DPH6: variants seen among roughly 807,000 people sequenced by gnomAD.
DPH6 encodes diphthine--ammonia ligase.
Under a neutral mutation model 38.2 loss-of-function variants are expected in DPH6, and 33 were observed. The ratio of observed to expected loss-of-function variants is 0.86; its 90% confidence interval spans 0.65 to 1.15. The LOEUF (loss-of-function observed/expected upper bound fraction) is 1.15, where lower values mean the gene tolerates loss of function less well. Among genes scored for constraint, DPH6 ranks in the 50% most tolerant of loss-of-function variants. DPH6 has a pLI of 0.00. For missense variants in DPH6, 325 were observed against 320.0 expected, an observed-to-expected ratio of 1.02 and a Z score of -0.12; for synonymous variants, 108 against 103.0, an observed-to-expected ratio of 1.05 and a Z score of -0.30.
chr15:35,242,686 T>C (rs1343604720), intron 3 of DPH6, among the ~76,000 whole-genome samples: 1 of 142,900 alleles, frequency 7.0e-6, no homozygotes, highest in African/African-American at 2.5e-5. Context: ...GACAATACTT[T>C]TACCACTTTC....
intron 3 of DPH6, among the ~76,000 whole-genome samples, chr15:35,245,340 G>A (rs1022390584): frequency 4.9e-5 from 7 of 141,450 alleles, no homozygotes; most frequent in Non-Finnish European, 3.0e-5. Context: ...CCGGGTTCAC[G>A]CCATTCTCCT....
rs570582452 is a variant in DPH6 at position 35,362,967 on chromosome 15, T to G, written n.207+10554A>C. 2.0e-5 allele frequency among the ~76,000 whole-genome samples: 3 copies of G among 152,340 alleles called. No homozygotes were observed. The South Asian group carries it at 6.2e-4, about 32-fold the overall frequency. ...TATATTTCTTTCTAGCCATCTTTTT[T>G]ATTACTGATTTTTAGCATAATCTTA... On this transcript the variant is annotated intron_variant and non_coding_transcript_variant, in intron 3 of 3. Transcript: ENST00000558973.
At chr15:35,489,214 C>A in intron 3 of DPH6, 1 of 467,160 alleles carries the variant, frequency 2.1e-6, no homozygotes, top group Non-Finnish European at 2.8e-6. Flanking sequence ...GAGATATAAT[C>A]TTGGAAACCA....
At chr15:35,434,048 C>T (rs570009357) in intron 5 of DPH6, among the ~76,000 whole-genome samples, 33 of 152,180 alleles carry the variant, frequency 2.2e-4, no homozygotes, top group Admixed American at 1.8e-3. Context: ...AGCATCTTGC[C>T]GTGAAAATGT....
At chr15:35,246,643 G>C (rs559063721) in intron 3 of DPH6, among the ~76,000 whole-genome samples, 1 of 152,152 alleles carries the variant, frequency 6.6e-6, no homozygotes, top group East Asian at 1.9e-4. Context: ...GAACATTAAG[G>C]GGGTAAATTT....
the DPH6 span, among the ~76,000 whole-genome samples, chr15:35,160,995 T>C: frequency 3.3e-5 from 5 of 151,296 alleles, no homozygotes; most frequent in South Asian, 1.1e-3. Flanking sequence ...TGTTGTGGGG[T>C]GGAGGGAGTG....
the DPH6 span, among the ~76,000 whole-genome samples, chr15:35,145,733 G>C: frequency 1.3e-5 from 2 of 152,056 alleles, no homozygotes; most frequent in East Asian, 3.8e-4. Flanking sequence ...TCAAGTTCTG[G>C]GGTAGTAACC....
chr15:35,466,441 C>A (rs2054127526), intron 3 of DPH6, among the ~76,000 whole-genome samples: 2 of 152,220 alleles, frequency 1.3e-5, no homozygotes, highest in South Asian at 4.2e-4. Flanking sequence ...TTTCTGAACT[C>A]ATTCTCTAAG....
chr15:35,463,373 C>G (rs1049614433), intron 3 of DPH6, among the ~76,000 whole-genome samples: 5 of 740 alleles, frequency 6.8e-3, no homozygotes, highest in Non-Finnish European at 0.019. Context: ...TAAATGTGCA[C>G]AAGTTATATA....
At chr15:35,335,036 C>CT (rs1208400162) in intron 3 of DPH6, among the ~76,000 whole-genome samples, 1 of 151,982 alleles carries the variant, frequency 6.6e-6, no homozygotes, top group Non-Finnish European at 1.5e-5. Context: ...AAAAGCATTC[C>CT]TTTTTCTCCA....
chr15:35,401,573 G>A, intron 6 of DPH6: 1 of 769,854 alleles, frequency 1.3e-6, no homozygotes, highest in Non-Finnish European at 2.4e-6. Context: ...AATTTTGGAG[G>A]TGGTGGAAGC....
chr15:35,361,623 T>C (rs1189371110), intron 3 of DPH6, among the ~76,000 whole-genome samples: 1 of 151,808 alleles, frequency 6.6e-6, no homozygotes. Flanking sequence ...TTTCTTTTTT[T>C]CTCCCTTTTT....
intron 5 of DPH6, among the ~76,000 whole-genome samples, chr15:35,447,470 G>A (rs1312012091): frequency 3.3e-5 from 5 of 150,898 alleles, no homozygotes; most frequent in Non-Finnish European, 1.5e-5. Flanking sequence ...TACCTGTTTT[G>A]ACCCACACCC....
At chr15:35,276,469 T>G (rs1397106886) in intron 3 of DPH6, among the ~76,000 whole-genome samples, 1 of 152,214 alleles carries the variant, frequency 6.6e-6, no homozygotes, top group African/African-American at 2.4e-5. Context: ...TTGTTTTTAT[T>G]GCATTTGCTT....
intron 3 of DPH6, among the ~76,000 whole-genome samples, chr15:35,252,463 T>C (rs1459790655): frequency 2.0e-5 from 3 of 152,256 alleles, no homozygotes; most frequent in African/African-American, 7.2e-5. Flanking sequence ...ACAAGCATTG[T>C]GACAATGTGA....
At chr15:35,352,876 AACTAGTTT>A (rs2052527513) in intron 3 of DPH6, among the ~76,000 whole-genome samples, 2 of 152,212 alleles carry the variant, frequency 1.3e-5, no homozygotes, top group Admixed American at 6.5e-5. Flanking sequence ...ACAATGGTTG[AACTAGTTT>A]ACAGTCCCAC....
intron 3 of DPH6, among the ~76,000 whole-genome samples, chr15:35,358,426 T>C (rs1474059532): frequency 1.3e-5 from 2 of 152,196 alleles, no homozygotes; most frequent in Non-Finnish European, 2.9e-5. Flanking sequence ...CTGGTTAAAC[T>C]AGTATGATTT....
chr15:35,476,162 T>C (rs1225635326), intron 3 of DPH6, among the ~76,000 whole-genome samples: 1 of 151,836 alleles, frequency 6.6e-6, no homozygotes, highest in Non-Finnish European at 1.5e-5. Flanking sequence ...GATCTCATCA[T>C]AAAAAATGCA....
chr15:35,491,483 C>T (rs923551394), intron 3 of DPH6, among the ~76,000 whole-genome samples: 17 of 149,966 alleles, frequency 1.1e-4, no homozygotes, highest in African/African-American at 3.9e-4. Context: ...ATCTGACCTG[C>T]CATGGTTAAC....
Sources: gnomAD v4.1 joint callset for allele counts (sites outside exome capture counted in the v4.1 genomes callset) on GRCh38, gnomAD v4.1.1 for gene constraint, MANE v1.5 for transcripts, NCBI Gene and HGNC (gene_info 2026-07-23, HGNC 2026-07-21) for gene names.